Variants in RIMS2 observed in about 807,000 individuals in gnomAD.
The protein encoded by RIMS2 is regulating synaptic membrane exocytosis protein 2.
Under a neutral mutation model 174.4 loss-of-function variants are expected in RIMS2, and 59 were observed. That is an observed-to-expected ratio of 0.34 (90% confidence interval 0.27 to 0.42). RIMS2 has a LOEUF of 0.42. Among genes scored for constraint, RIMS2 ranks in the 10% least tolerant of loss-of-function variants. The pLI is 1.00. For missense variants in RIMS2, 1,620 were observed against 1,666.3 expected (o/e 0.97, Z 0.48); for synonymous variants, 606 against 572.5 (o/e 1.06, Z -0.84).
intron 19 of RIMS2, among the ~76,000 whole-genome samples, chr8:104,050,251 G>A (rs10101313): frequency 1.1e-4 from 16 of 151,870 alleles, no homozygotes; most frequent in Non-Finnish European, 1.8e-4. Flanking sequence ...AAATATATAC[G>A]TATCAGGCCT....
At chr8:104,104,294 GACAA>G (rs752548836) in intron 19 of RIMS2, among the ~76,000 whole-genome samples, 48 of 152,296 alleles carry the variant, frequency 3.2e-4, no homozygotes, top group Non-Finnish European at 5.3e-4. Context: ...GCAGGTTGGA[GACAA>G]ACAGTTTCAA....
At chr8:103,819,446 TA>T in intron 3 of RIMS2, 2 of 1,600,088 alleles carry the variant, frequency 1.2e-6, no homozygotes, top group East Asian at 4.5e-5. Flanking sequence ...TGTCAGCAAA[TA>T]GATGATTTTA....
At chr8:104,180,235 A>C (rs1161680270) in intron 19 of RIMS2, among the ~76,000 whole-genome samples, 1 of 151,768 alleles carries the variant, frequency 6.6e-6, no homozygotes, top group Non-Finnish European at 1.5e-5. Flanking sequence ...GCCCATTTTT[A>C]ATTTTGAAAA....
chr8:104,175,598 G>C (rs1242607327), intron 19 of RIMS2, among the ~76,000 whole-genome samples: 1 of 152,006 alleles, frequency 6.6e-6, no homozygotes, highest in African/African-American at 2.4e-5. Flanking sequence ...CAGCTTTTAA[G>C]TTGCAATAAG....
intron 1 of RIMS2, among the ~76,000 whole-genome samples, chr8:103,547,865 A>T (rs1587396847): frequency 6.6e-6 from 1 of 152,304 alleles, no homozygotes; most frequent in South Asian, 2.1e-4. Flanking sequence ...AAAAACCTTC[A>T]GAAACTATGA....
At position 103,812,331 on chromosome 8, in the gene RIMS2, G is replaced by GTTTTTTTTTTTTTTTTTTT. The variant is rs71575985; in HGVS notation, c.698+45799_698+45817dup. 3.3e-3 allele frequency among the ~76,000 whole-genome samples: 365 copies of GTTTTTTTTTTTTTTTTTTT among 111,480 alleles called. 6 individuals are homozygous for GTTTTTTTTTTTTTTTTTTT. Among genetic ancestry groups the GTTTTTTTTTTTTTTTTTTT allele is most frequent in the East Asian group, 0.016 (37 of 2,336 alleles). 73.1% of individuals were successfully genotyped at this position (111,480 alleles called of 152,430 possible). ...GGTCAAATTATTACCTTATTACCTT[G>GTTTTTTTTTTTTTTTTTTT]TTTTTTTTTTTTTTTTTTTTTTTGT... On this transcript the variant is annotated intron_variant, in intron 3 of 23. Coordinates refer to ENST00000504942, the Ensembl canonical transcript of RIMS2.
At chr8:103,646,583 C>CCCATGTGT (rs549880545) in intron 1 of RIMS2, among the ~76,000 whole-genome samples, 2 of 152,056 alleles carry the variant, frequency 1.3e-5, no homozygotes, top group Non-Finnish European at 2.9e-5. Context: ...TGTTGTTTCC[C>CCCATGTGT]CCATGTGTCC....
intron 1 of RIMS2, among the ~76,000 whole-genome samples, chr8:103,514,335 T>C (rs529830213): frequency 6.6e-6 from 1 of 152,350 alleles, no homozygotes; most frequent in South Asian, 2.1e-4. Context: ...GGCTGAATAG[T>C]TAATTTACTT....
intron 19 of RIMS2, among the ~76,000 whole-genome samples, chr8:104,077,950 C>T (rs2097330946): frequency 1.3e-5 from 2 of 151,760 alleles, no homozygotes; most frequent in Admixed American, 1.3e-4. Context: ...TGAGACCAGC[C>T]TGGCCAACAT....
At chr8:103,527,529 A>C (rs932949692) in intron 1 of RIMS2, among the ~76,000 whole-genome samples, 1 of 151,832 alleles carries the variant, frequency 6.6e-6, no homozygotes, top group Non-Finnish European at 1.5e-5. Flanking sequence ...TCCTAATGCT[A>C]TCCGTCCCCC....
chr8:103,616,269 C>T (rs1589104026), intron 1 of RIMS2, among the ~76,000 whole-genome samples: 1 of 152,186 alleles, frequency 6.6e-6, no homozygotes, highest in East Asian at 1.9e-4. Context: ...GACAAAAAAA[C>T]ACATGATTGT....
At chr8:103,996,356 T>C (rs1373934913) in intron 17 of RIMS2, among the ~76,000 whole-genome samples, 2 of 151,982 alleles carry the variant, frequency 1.3e-5, no homozygotes, top group Admixed American at 1.3e-4. Flanking sequence ...GCAAAGGGTA[T>C]TGTTCTAGTC....
At chr8:103,577,584 C>T (rs1157747967) in intron 1 of RIMS2, among the ~76,000 whole-genome samples, 2 of 152,144 alleles carry the variant, frequency 1.3e-5, no homozygotes, top group Non-Finnish European at 2.9e-5. Context: ...ACATTCTGTA[C>T]ATGTATCCCA....
intron 1 of RIMS2, among the ~76,000 whole-genome samples, chr8:103,590,122 G>T (rs1436812209): frequency 6.6e-6 from 1 of 151,324 alleles, no homozygotes; most frequent in Non-Finnish European, 1.5e-5. Flanking sequence ...TGCTTGAGAT[G>T]GTGGATACCA....
At chr8:103,768,265 AT>A in intron 3 of RIMS2, 2 of 559,704 alleles carry the variant, frequency 3.6e-6, no homozygotes, top group Non-Finnish European at 6.5e-6. Flanking sequence ...CCTTGGAGGC[AT>A]TCACCTGCTT....
At chr8:103,593,257 T>A (rs1261101937) in intron 1 of RIMS2, among the ~76,000 whole-genome samples, 1 of 151,452 alleles carries the variant, frequency 6.6e-6, no homozygotes, top group African/African-American at 2.4e-5. Flanking sequence ...ATGATATGAT[T>A]TTTGGATATT....
At chr8:103,550,307 C>A (rs1847150803) in intron 1 of RIMS2, among the ~76,000 whole-genome samples, 1 of 152,128 alleles carries the variant, frequency 6.6e-6, no homozygotes, top group African/African-American at 2.4e-5. Context: ...GAAACTCACT[C>A]AAAACTGCTC....
chr8:103,638,467 ATTAT>A (rs901500440), intron 1 of RIMS2, among the ~76,000 whole-genome samples: 14 of 151,928 alleles, frequency 9.2e-5, no homozygotes, highest in Admixed American at 2.6e-4. Flanking sequence ...GTCTTCTCTA[ATTAT>A]TTATTTATTT....
At chr8:103,851,433 A>G (rs2154492979) in intron 3 of RIMS2, among the ~76,000 whole-genome samples, 1 of 152,010 alleles carries the variant, frequency 6.6e-6, no homozygotes, top group South Asian at 2.1e-4. Flanking sequence ...TTAAAATAAG[A>G]ATAGAATAAG....
Sources: gnomAD v4.1 joint callset for allele counts (sites outside exome capture counted in the v4.1 genomes callset) on GRCh38, gnomAD v4.1.1 for gene constraint, MANE v1.5 for transcripts, NCBI Gene and HGNC (gene_info 2026-07-23, HGNC 2026-07-21) for gene names.